MAD1L1: variants seen among roughly 807,000 people sequenced by gnomAD.
MAD1L1 encodes mitotic arrest deficient 1 like 1.
MAD1L1 carries 95 observed loss-of-function variants against 96.9 expected under a neutral mutation model. The ratio of observed to expected loss-of-function variants is 0.98; its 90% CI spans 0.83 to 1.16. MAD1L1 has a LOEUF of 1.16. Ranked by LOEUF, MAD1L1 falls within the 50% of genes most tolerant of loss-of-function variation. MAD1L1 has a pLI of 0.00. For synonymous variants in MAD1L1, 473 were observed against 396.6 expected (o/e 1.19, Z -2.29); for missense variants, 1,007 against 954.4 (o/e 1.06, Z -0.73).
intron 10 of MAD1L1, among the ~76,000 whole-genome samples, chr7:2,209,324 C>A (rs3800933): frequency 6.6e-5 from 10 of 151,940 alleles, no homozygotes; most frequent in Admixed American, 3.9e-4. Context: ...GGGGCGAGGC[C>A]GAAGAGCCCT....
At chr7:2,013,795 A>G (rs1782408411) in intron 13 of MAD1L1, among the ~76,000 whole-genome samples, 1 of 149,850 alleles carries the variant, frequency 6.7e-6, no homozygotes, top group East Asian at 2.0e-4. Context: ...AGTGTAGATG[A>G]GAAGTGTGGA....
intron 12 of MAD1L1, among the ~76,000 whole-genome samples, chr7:2,024,488 ATAGAAATTGG>A (rs1324216465): frequency 1.3e-5 from 2 of 152,218 alleles, no homozygotes; most frequent in African/African-American, 4.8e-5. Context: ...TTGCTGTCAC[ATAGAAATTGG>A]CGGTGAGCCA....
intron 16 of MAD1L1, among the ~76,000 whole-genome samples, chr7:1,948,617 C>T (rs969822091): frequency 6.6e-6 from 1 of 152,198 alleles, no homozygotes; most frequent in African/African-American, 2.4e-5. Context: ...GTCCTGGTTC[C>T]AGCAAGGGTC....
At chr7:1,908,636 C>T (rs978690080) in intron 17 of MAD1L1, among the ~76,000 whole-genome samples, 2 of 152,142 alleles carry the variant, frequency 1.3e-5, no homozygotes, top group Admixed American at 6.5e-5. Flanking sequence ...GTTGGGATGA[C>T]GGGTGTGAGC....
intron 11 of MAD1L1, among the ~76,000 whole-genome samples, chr7:2,073,303 G>T (rs986669960): frequency 6.6e-6 from 1 of 152,220 alleles, no homozygotes; most frequent in Non-Finnish European, 1.5e-5. Flanking sequence ...GGATCAAAGG[G>T]GAAGTGTGGA....
intron 18 of MAD1L1, among the ~76,000 whole-genome samples, chr7:1,825,696 G>A (rs912168668): frequency 5.9e-5 from 9 of 152,236 alleles, no homozygotes; most frequent in African/African-American, 1.7e-4. Context: ...GAGCCTCCAC[G>A]GCCAGGGCTG....
chr7:1,831,487 T>A (rs538468127), intron 18 of MAD1L1, among the ~76,000 whole-genome samples: 2 of 152,278 alleles, frequency 1.3e-5, no homozygotes, highest in South Asian at 4.1e-4. Context: ...CTAGAATGGC[T>A]TCTAGGTGTT....
intron 12 of MAD1L1, among the ~76,000 whole-genome samples, chr7:2,061,220 C>T (rs1784647027): frequency 6.6e-6 from 1 of 152,162 alleles, no homozygotes; most frequent in Admixed American, 6.5e-5. Context: ...GCCTGTAGTC[C>T]CAGCTACTCA....
chr7:1,888,609 C>A lies in MAD1L1; in HGVS notation c.1998+9591G>T, dbSNP rs190435218. On this transcript the variant is annotated intron_variant, in intron 18 of 18. Transcript: ENST00000265854. The stretch of plus-strand genomic sequence containing the variant: ...GCATGCGTGCATGTGGCTGCCTATG[C>A]ATGTGTGAGCATGCATGCGTGCATG... 5.2e-3 allele frequency among the ~76,000 whole-genome samples: 780 copies of A among 151,148 alleles called. 8 individuals are homozygous for A. The highest frequency in any genetic ancestry group is 0.018 in the African/African-American group (725 of 41,130).
At chr7:2,145,798 AG>A (rs1403878455) in intron 11 of MAD1L1, among the ~76,000 whole-genome samples, 2 of 152,208 alleles carry the variant, frequency 1.3e-5, no homozygotes, top group Non-Finnish European at 2.9e-5. Context: ...ATGCTACTGC[AG>A]TAACTATGGA....
intron 18 of MAD1L1, among the ~76,000 whole-genome samples, chr7:1,870,053 G>A (rs1784971055): frequency 6.6e-6 from 1 of 152,166 alleles, no homozygotes; most frequent in African/African-American, 2.4e-5. Flanking sequence ...CCCAGACACG[G>A]CAGAACAAGC....
intron 10 of MAD1L1, among the ~76,000 whole-genome samples, chr7:2,194,171 G>A (rs1290073486): frequency 2.0e-5 from 3 of 151,982 alleles, no homozygotes; most frequent in Non-Finnish European, 2.9e-5. Context: ...TGCCCAGGCT[G>A]GTCCTGAACT....
At chr7:2,107,169 G>A (rs1331399150) in intron 11 of MAD1L1, among the ~76,000 whole-genome samples, 1 of 152,240 alleles carries the variant, frequency 6.6e-6, no homozygotes, top group Admixed American at 6.5e-5. Context: ...ACACAGAGGA[G>A]TCGCAAGCAC....
chr7:2,067,505 C>G lies in MAD1L1; in HGVS notation c.1218+1689G>C, dbSNP rs1057514426. 2.6e-5 allele frequency among the ~76,000 whole-genome samples: 4 copies of G among 152,204 alleles called. No homozygotes were observed. The East Asian group carries it at 7.7e-4, about 29-fold the overall frequency. ...CACCGAGCTAAGGTGTCCCGCCACTCTGAAAGAACACAGTGTCGCCCCCTC... is the reference window on the plus strand; with the variant it reads ...CACCGAGCTAAGGTGTCCCGCCACTGTGAAAGAACACAGTGTCGCCCCCTC... On this transcript the variant is annotated intron_variant, in intron 12 of 18. Coordinates refer to ENST00000265854, the MANE Select transcript of MAD1L1 (RefSeq NM_001013836.2).
Position 1,983,127 on chromosome 7 carries a change from CACAG to C in MAD1L1, c.1417-2590_1417-2587del, listed in dbSNP as rs757629482. ...ACACGTGCACACACGCACACACACCCACAGACGCGCGCGCGCGCGCGCGCGCGCA... is the reference window on the plus strand; with the variant it reads ...ACACGTGCACACACGCACACACACCCACGCGCGCGCGCGCGCGCGCGCGCA... On this transcript the variant is annotated intron_variant, in intron 14 of 18. Transcript: ENST00000265854. Among the ~76,000 whole-genome samples the C allele has an allele frequency of 3.4e-3, 394 of 117,064 alleles. 1 individual carries two copies. The highest frequency in any genetic ancestry group is 5.3e-3 in the Admixed American group (57 of 10,694). The allele number at this position is 117,064 out of a possible 152,430, so 76.8% of individuals were successfully genotyped here. A position where few individuals can be genotyped will look rare whatever the true frequency, so the allele number is the denominator to read the frequency against.
At chr7:2,164,181 A>C (rs936234147) in intron 10 of MAD1L1, among the ~76,000 whole-genome samples, 3 of 152,204 alleles carry the variant, frequency 2.0e-5, no homozygotes, top group Admixed American at 2.0e-4. Context: ...ATCAGAAATA[A>C]ATATTTCTCT....
intron 12 of MAD1L1, among the ~76,000 whole-genome samples, chr7:2,028,827 C>T (rs1234681146): frequency 6.6e-6 from 1 of 151,864 alleles, no homozygotes; most frequent in Non-Finnish European, 1.5e-5. Context: ...AGCAGCTTTG[C>T]AGTAAGGAGT....
intron 13 of MAD1L1, among the ~76,000 whole-genome samples, chr7:2,005,695 G>A (rs930898360): frequency 2.6e-5 from 4 of 152,186 alleles, no homozygotes; most frequent in Non-Finnish European, 1.5e-5. Context: ...CAGCTACTCA[G>A]GGAGCTGAGG....
intron 18 of MAD1L1, among the ~76,000 whole-genome samples, chr7:1,860,269 C>T (rs1389897107): frequency 6.4e-4 from 87 of 136,394 alleles, no homozygotes; most frequent in Middle Eastern, 4.2e-3. Flanking sequence ...TTCCCTAGAC[C>T]TGACATCCTG....
Sources: gnomAD v4.1 joint callset for allele counts (sites outside exome capture counted in the v4.1 genomes callset) on GRCh38, gnomAD v4.1.1 for gene constraint, MANE v1.5 for transcripts, NCBI Gene and HGNC (gene_info 2026-07-23, HGNC 2026-07-21) for gene names.